The following RIMS4 variants were observed in gnomAD, a reference collection of about 807,000 sequenced individuals.
RIMS4 encodes the protein regulating synaptic membrane exocytosis protein 4.
A neutral mutation model predicts 29.0 loss-of-function variants in RIMS4; 9 were observed. The observed-to-expected ratio is 0.31, with a 90% CI of 0.19 to 0.54. The LOEUF is 0.54. Ranked by LOEUF, RIMS4 falls within the 20% of genes least tolerant of loss-of-function variation. The pLI is 0.94. For missense variants in RIMS4, 193 were observed against 365.7 expected (o/e 0.53, Z 3.85); for synonymous variants, 130 against 152.9 (o/e 0.85, Z 1.10).
At chr20:44,792,342 G>C (rs2066236545) in intron 1 of RIMS4, among the ~76,000 whole-genome samples, 1 of 151,938 alleles carries the variant, frequency 6.6e-6, no homozygotes, top group Admixed American at 6.6e-5. Context: ...GCCCAGGCTG[G>C]AGTACAGTGG....
intron 1 of RIMS4, among the ~76,000 whole-genome samples, chr20:44,793,487 G>GCTGT (rs1429317790): frequency 1.2e-4 from 18 of 152,214 alleles, no homozygotes; most frequent in African/African-American, 4.1e-4. Flanking sequence ...ATCTGTGCCG[G>GCTGT]CTGTCGCCTC....
chr20:44,767,692 C>G (rs2066119797), intron 2 of RIMS4, among the ~76,000 whole-genome samples: 2 of 152,180 alleles, frequency 1.3e-5, no homozygotes, highest in Non-Finnish European at 2.9e-5. Flanking sequence ...ACTTATTTAC[C>G]CTCTCTGAGC....
Position 44,752,321 on chromosome 20 carries a change from C to T in RIMS4, c.*3813G>A, listed in dbSNP as rs1395100841. ...TAAATGCAGGTGACCTTGCCTGACGCAACAGCTGTGCCTCCAGAGGGGGTG... is the reference window on the plus strand; with the variant it reads ...TAAATGCAGGTGACCTTGCCTGACGTAACAGCTGTGCCTCCAGAGGGGGTG... On this transcript the variant is annotated 3_prime_UTR_variant, in exon 6 of 6. Coordinates refer to ENST00000372851, the MANE Select transcript of RIMS4 (RefSeq NM_182970.4). 6.6e-6 allele frequency: 1 copy of T among 152,294 alleles called. No homozygotes were observed. 9.4% of individuals were successfully genotyped at this position (152,294 alleles called of 1,614,324 possible).
At chr20:44,794,732 C>CT (rs1277134763) in intron 1 of RIMS4, among the ~76,000 whole-genome samples, 1 of 152,196 alleles carries the variant, frequency 6.6e-6, no homozygotes, top group Non-Finnish European at 1.5e-5. Context: ...ACACTGCTGA[C>CT]TTTTTTTGTC....
chr20:44,764,184 A>ATCCATCCATTTATCCATCCG (rs1568895693), intron 2 of RIMS4, among the ~76,000 whole-genome samples: 7 of 12,118 alleles, frequency 5.8e-4, no homozygotes, highest in Admixed American at 7.9e-4. Flanking sequence ...CCATCCATCC[A>ATCCATCCATTTATCCATCCG]TCCATTTATC....
intron 2 of RIMS4, among the ~76,000 whole-genome samples, chr20:44,758,431 C>T (rs1038870447): frequency 6.6e-6 from 1 of 152,222 alleles, no homozygotes; most frequent in African/African-American, 2.4e-5. Flanking sequence ...ACTCCACCCC[C>T]AGCTGCTGAA....
At chr20:44,767,570 C>G (rs1267604961) in intron 2 of RIMS4, among the ~76,000 whole-genome samples, 2 of 152,196 alleles carry the variant, frequency 1.3e-5, no homozygotes, top group African/African-American at 4.8e-5. Flanking sequence ...TTCCAAAAAA[C>G]TTAATAAATG....
At chr20:44,762,274 A>G (rs1455627879) in intron 2 of RIMS4, among the ~76,000 whole-genome samples, 1 of 152,174 alleles carries the variant, frequency 6.6e-6, no homozygotes, top group Non-Finnish European at 1.5e-5. Context: ...GCCAGGGACC[A>G]GTACCCCTGG....
In RIMS4 at chr20:44,756,075, C is replaced by A; in HGVS notation, c.*59G>T. ...TTCAATGTGCCCCTGGGCCTGGGGT[C>A]CCAGGTCAGGGCTGGGTGGTCTCCA... On this transcript the variant is annotated 3_prime_UTR_variant, in exon 6 of 6. Transcript: ENST00000372851. This position sits in a 1 kb window ranked among gnomAD's most constrained non-coding sequence, Gnocchi z 5.9. 7.3e-7 allele frequency: 1 copy of A among 1,363,852 alleles called. No individual in the cohort carries two copies. Among genetic ancestry groups the A allele is most frequent in the South Asian group, 1.3e-5 (1 of 75,780 alleles). The allele number at this position is 1,363,852 out of a possible 1,614,324, so 84.5% of individuals were successfully genotyped here.
intron 2 of RIMS4, among the ~76,000 whole-genome samples, chr20:44,759,460 C>G (rs937345535): frequency 6.6e-6 from 1 of 152,150 alleles, no homozygotes; most frequent in Admixed American, 6.6e-5. Context: ...AGTTTCATCA[C>G]ATTGGCCAGG....
chr20:44,758,562 T>C (rs2066071033), intron 2 of RIMS4, among the ~76,000 whole-genome samples: 2 of 152,202 alleles, frequency 1.3e-5, no homozygotes, highest in African/African-American at 4.8e-5. Flanking sequence ...GGCTACCTAA[T>C]ATCCACTTCC....
At position 44,771,404 on chromosome 20, in the gene RIMS4, C is replaced by T. The variant is rs1324692864; in HGVS notation, c.107G>A (p.Arg36Gln). 1.2e-6 allele frequency: 2 copies of T among 1,611,804 alleles called. No homozygotes were observed. The highest frequency in any genetic ancestry group is 8.5e-7 in the Non-Finnish European group (1 of 1,178,668). The change falls in exon 2 of 6, where the codon CGG (arginine) becomes CAG (glutamine). Residue 36 changes from arginine (R) to glutamine (Q), a missense_variant. Physicochemically the swap from Arg to Gln is conservative, Grantham distance 43. Transcript: ENST00000372851. ...SFDDEDAGDS[R>Q]RLKGAIQRST... Reference sequence around the variant, plus strand: ...CCTCTGGATGGCCCCCTTCAGCCTCCGGCTGTCCCCTTCTGGGCAAAGCGG... The same window carrying T: ...CCTCTGGATGGCCCCCTTCAGCCTCTGGCTGTCCCCTTCTGGGCAAAGCGG...
In RIMS4 at chr20:44,754,874, G is replaced by A. The variant is rs1169782491; in HGVS notation, c.*1260C>T. The A allele has an allele frequency of 6.6e-6, 1 of 152,614 alleles. No individual in the cohort carries two copies. Among genetic ancestry groups the A allele is most frequent in the Non-Finnish European group, 1.5e-5 (1 of 68,062 alleles). The allele number at this position is 152,614 out of a possible 1,614,324, so 9.5% of individuals were successfully genotyped here. On this transcript the variant is annotated 3_prime_UTR_variant, in exon 6 of 6. Transcript: ENST00000372851. ...GCAGGCTTCTGGGTGCCTCCCAGGG[G>A]AGGTGGCAGAAATGTGCTTCTATAA...
intron 2 of RIMS4, among the ~76,000 whole-genome samples, chr20:44,759,639 T>C (rs1017943773): frequency 1.1e-4 from 17 of 152,210 alleles, no homozygotes; most frequent in African/African-American, 3.9e-4. Context: ...CCCTATTCCC[T>C]GGCCAGAGAT....
intron 2 of RIMS4, among the ~76,000 whole-genome samples, chr20:44,766,129 G>C (rs1397725612): frequency 6.6e-6 from 1 of 152,106 alleles, no homozygotes; most frequent in Non-Finnish European, 1.5e-5. Context: ...CCAGAGGAAC[G>C]GTAGGCCCTA....
chr20:44,796,585 G>T (rs1461674865), intron 1 of RIMS4, among the ~76,000 whole-genome samples: 2 of 152,212 alleles, frequency 1.3e-5, no homozygotes, highest in African/African-American at 2.4e-5. Flanking sequence ...GACTGTGCAA[G>T]CACAGGAGAA....
chr20:44,756,755 A>G lies in RIMS4; in HGVS notation c.591+143T>C. The stretch of plus-strand genomic sequence containing the variant: ...GTAAGTTGTGGAGCTCAGTTCAGCC[A>G]CAGTGAACTGAGGGCCTCGCCTGTT... On this transcript the variant is annotated intron_variant, in intron 5 of 5. Coordinates refer to ENST00000372851, the MANE Select transcript of RIMS4 (RefSeq NM_182970.4). This position sits in a 1 kb window ranked among gnomAD's most constrained non-coding sequence, Gnocchi z 5.9. 1.5e-6 allele frequency: 1 copy of G among 677,258 alleles called. No individual in the cohort carries two copies. Among genetic ancestry groups the G allele is most frequent in the Non-Finnish European group, 2.5e-6 (1 of 407,944 alleles). The allele number at this position is 677,258 out of a possible 1,614,324, so 42.0% of individuals were successfully genotyped here.
In RIMS4 at chr20:44,810,491, CTGGCGGCGGCGGCGGCGGCGGCGG is replaced by C. The variant is rs1257941383; in HGVS notation, c.-244_-221del. Among the ~76,000 whole-genome samples the C allele has an allele frequency of 1.4e-3, 171 of 125,136 alleles. 1 individual carries two copies. Among genetic ancestry groups the C allele is most frequent in the African/African-American group, 2.6e-3 (82 of 31,020 alleles). 82.1% of individuals were successfully genotyped at this position (125,136 alleles called of 152,430 possible). On this transcript the variant is annotated 5_prime_UTR_variant, in exon 1 of 6. Coordinates refer to ENST00000372851, the MANE Select transcript of RIMS4 (RefSeq NM_182970.4). ...GCGGAGCCCGAGGCGCGCTGTGCTG[CTGGCGGCGGCGGCGGCGGCGGCGG>C]TGGCGGCGGCGGTGGCGGCGCAGCG...
intron 2 of RIMS4, among the ~76,000 whole-genome samples, chr20:44,762,046 G>C (rs758693876): frequency 6.6e-6 from 1 of 152,158 alleles, no homozygotes; most frequent in Non-Finnish European, 1.5e-5. Context: ...GGGAGTGGGG[G>C]ATGGTTTTGG....
Sources: allele counts gnomAD v4.1 joint callset (sites outside exome capture counted in the v4.1 genomes callset), GRCh38; gene constraint gnomAD v4.1.1; non-coding constraint Gnocchi (gnomAD v3.1); transcripts MANE v1.5; gene names NCBI Gene and HGNC (gene_info 2026-07-23, HGNC 2026-07-21).